Variants in BRD7 observed in about 807,000 individuals in gnomAD.
The protein encoded by BRD7 is bromodomain containing 7, also known as bromodomain-containing protein 7.
A neutral mutation model predicts 82.1 loss-of-function variants in BRD7; 15 were observed. The ratio of observed to expected loss-of-function variants is 0.18; its 90% CI spans 0.12 to 0.28. BRD7 has a LOEUF of 0.28. Ranked by LOEUF, BRD7 falls within the 10% of genes least tolerant of loss-of-function variation. The pLI is 1.00. For missense variants in BRD7, 638 were observed against 779.9 expected (o/e 0.82, Z 2.17); for synonymous variants, 232 against 266.9 (o/e 0.87, Z 1.27).
At chr16:50,357,980 AAAAAC>A (rs1263142712) in intron 2 of BRD7, among the ~76,000 whole-genome samples, 1 of 152,140 alleles carries the variant, frequency 6.6e-6, no homozygotes, top group Non-Finnish European at 1.5e-5. Context: ...ACTCTGTCTC[AAAAAC>A]AAAACAAATC....
intron 13 of BRD7, among the ~76,000 whole-genome samples, chr16:50,321,089 T>C (rs781334035): frequency 2.6e-5 from 4 of 152,242 alleles, no homozygotes; most frequent in Non-Finnish European, 4.4e-5. Flanking sequence ...TTGTTGTTGC[T>C]TAAACTGTGA....
intron 2 of BRD7, among the ~76,000 whole-genome samples, chr16:50,358,847 A>AT (rs1230629425): frequency 2.0e-5 from 3 of 152,214 alleles, no homozygotes; most frequent in African/African-American, 7.2e-5. Context: ...CTGAATAGAG[A>AT]TATCATAGCA....
At chr16:50,349,427 A>C (rs2038427051) in intron 5 of BRD7, 2 of 378,574 alleles carry the variant, frequency 5.3e-6, no homozygotes, top group East Asian at 1.6e-4. Flanking sequence ...AACCATCTAA[A>C]AAAAAAAAAG....
rs1232188816 is a variant in BRD7, at chr16:50,346,422, A to G, written c.591+3601T>C. On this transcript the variant is annotated intron_variant, in intron 5 of 16. Coordinates refer to ENST00000394688, the MANE Select transcript of BRD7 (RefSeq NM_013263.5). ...GAAGGCAAGAAATAACTAAGATCAG[A>G]GCAGAACTGAAGGAGATAGAGATAC... Among the ~76,000 whole-genome samples the G allele has an allele frequency of 2.0e-5, 3 of 152,220 alleles. No homozygotes were observed. In the East Asian group the frequency reaches 5.8e-4, roughly 29 times the overall value.
At position 50,340,102 on chromosome 16, in the gene BRD7, T is replaced by G. The variant is rs1198567879; in HGVS notation, c.592-16A>C. 2.8e-6 allele frequency: 4 copies of G among 1,437,420 alleles called. No individual in the cohort carries two copies. The highest frequency in any genetic ancestry group is 3.8e-6 in the Non-Finnish European group (4 of 1,056,208). 89.0% of individuals were successfully genotyped at this position (1,437,420 alleles called of 1,614,324 possible). On this transcript the variant is annotated splice_polypyrimidine_tract_variant and intron_variant, in intron 5 of 16. Transcript: ENST00000394688. ...TGAAGTTATCCTGCAGAAAGAACAT[T>G]AAGGGAGAAAATGCATTAATGCAAA...
chr16:50,348,848 C>T (rs1029297544), intron 5 of BRD7, among the ~76,000 whole-genome samples: 3 of 152,132 alleles, frequency 2.0e-5, no homozygotes, highest in Non-Finnish European at 2.9e-5. Context: ...GACAGTGTGG[C>T]GATTCCTCAA....
At chr16:50,319,866 C>T (rs1210808916) in intron 16 of BRD7, 21 bp downstream of exon 16, 4 of 1,606,440 alleles carry the variant, frequency 2.5e-6, no homozygotes, top group Non-Finnish European at 2.5e-6. Flanking sequence ...TCTGCTTTCC[C>T]AGAGAAAACA....
intron 15 of BRD7, 41 bp from the exon 16 acceptor site, chr16:50,320,071 C>T (rs1403049610): frequency 6.3e-7 from 1 of 1,575,548 alleles, no homozygotes. Context: ...AAGCATGGTT[C>T]CTTTAGATAG....
Position 50,329,784 on chromosome 16 carries a change from G to T in BRD7, c.1012-1040C>A, listed in dbSNP as rs147769619. ...CAGAAGCAAAAGTAAAACAACCTGA[G>T]TAGGAATTACAATTAGGAAAAATAT... On this transcript the variant is annotated intron_variant, in intron 8 of 16. Coordinates refer to ENST00000394688, the MANE Select transcript of BRD7 (RefSeq NM_013263.5). 6.6e-5 allele frequency among the ~76,000 whole-genome samples: 10 copies of T among 152,320 alleles called. No individual in the cohort carries two copies. In the East Asian group the frequency reaches 1.9e-3, roughly 29 times the overall value.
intron 5 of BRD7, among the ~76,000 whole-genome samples, chr16:50,347,273 A>G (rs551122717): frequency 8.5e-5 from 13 of 152,338 alleles, no homozygotes; most frequent in Non-Finnish European, 1.5e-4. Context: ...AAATAATAAG[A>G]GCTATTTATG....
At chr16:50,361,312 T>C (rs2038925665) in intron 2 of BRD7, among the ~76,000 whole-genome samples, 1 of 152,254 alleles carries the variant, frequency 6.6e-6, no homozygotes, top group Non-Finnish European at 1.5e-5. Flanking sequence ...GCTTTATATA[T>C]AATAACATCC....
chr16:50,368,003 T>A, intron 2 of BRD7, 87 bp downstream of exon 2: 1 of 1,367,082 alleles, frequency 7.3e-7, no homozygotes, highest in Non-Finnish European at 1.0e-6. Flanking sequence ...GCGTTTGTTT[T>A]CCCCAGATAC....
In BRD7 at chr16:50,323,709, C is replaced by A. The variant is rs1567599226; in HGVS notation, c.1332-11G>T. 1 of 1,600,032 alleles carries A rather than the reference C, an allele frequency of 6.2e-7. No homozygotes were observed. The highest frequency in any genetic ancestry group is 1.7e-5 in the Admixed American group (1 of 59,974). On this transcript the variant is annotated splice_polypyrimidine_tract_variant and intron_variant, in intron 11 of 16. Transcript: ENST00000394688. ...AAAAACTCATGGATGCTGCAAGAGA[C>A]AGTTAGGAAAGTCTCACATAAATCA... is the stretch of plus-strand genomic sequence containing the variant.
intron 12 of BRD7, 135 bp from the exon 13 acceptor site, chr16:50,322,173 G>T: frequency 1.5e-6 from 1 of 661,970 alleles, no homozygotes. Context: ...AATTTTTCAG[G>T]CCAAAATGAC....
rs755565646 is a variant in BRD7 at position 50,368,327 on chromosome 16, A to G, written c.50-29T>C. ...AAAAAAAGAAAAGAAAAGAAAGGAA[A>G]GCGCGTCGATTAAAATCGGGGCTCT... On this transcript the variant is annotated intron_variant, in intron 1 of 16. Coordinates refer to ENST00000394688, the MANE Select transcript of BRD7 (RefSeq NM_013263.5). 8.7e-6 allele frequency: 14 copies of G among 1,606,540 alleles called. No homozygotes were observed. In the African/African-American group the frequency reaches 1.5e-4, roughly 17 times the overall value.
At chr16:50,345,546 T>C (rs1025712095) in intron 5 of BRD7, among the ~76,000 whole-genome samples, 21 of 152,140 alleles carry the variant, frequency 1.4e-4, no homozygotes, top group African/African-American at 4.8e-5. Context: ...GAGACACACA[T>C]AGGCTCAAAA....
In BRD7 at chr16:50,320,046, A is replaced by C; in HGVS notation, c.1757-16T>G. On this transcript the variant is annotated splice_polypyrimidine_tract_variant and intron_variant, in intron 15 of 16. Coordinates refer to ENST00000394688, the MANE Select transcript of BRD7 (RefSeq NM_013263.5). Reference sequence around the variant, plus strand: ...ACTTGTTCAGCTAAAAAGAAAAACAAAGTTCCAGATACTAAAGCATGGTTC... The same window carrying C: ...ACTTGTTCAGCTAAAAAGAAAAACACAGTTCCAGATACTAAAGCATGGTTC... 1 of 1,599,596 alleles carries C rather than the reference A, an allele frequency of 6.3e-7. No individual in the cohort carries two copies. Among genetic ancestry groups the C allele is most frequent in the Non-Finnish European group, 8.5e-7 (1 of 1,174,234 alleles).
chr16:50,350,987 T>C lies in BRD7; in HGVS notation c.447-820A>G, dbSNP rs574800405. 4.9e-4 allele frequency among the ~76,000 whole-genome samples: 74 copies of C among 152,342 alleles called. 3 individuals carry two copies. The South Asian group carries it at 0.015, about 30-fold the overall frequency. ...ATATTTGGCATTTGTATTTCCAGTA[T>C]TGTCAGGTTGAGAATGAGTGCTTTA... On this transcript the variant is annotated intron_variant, in intron 4 of 16. Transcript: ENST00000394688.
intron 8 of BRD7, among the ~76,000 whole-genome samples, chr16:50,333,199 A>G (rs1358873068): frequency 6.6e-6 from 1 of 152,248 alleles, no homozygotes; most frequent in Non-Finnish European, 1.5e-5. Flanking sequence ...GTTTTCCTGT[A>G]AATTTAAATT....
Sources: gnomAD v4.1 joint callset for allele counts (sites outside exome capture counted in the v4.1 genomes callset) on GRCh38, gnomAD v4.1.1 for gene constraint, MANE v1.5 for transcripts, NCBI Gene and HGNC (gene_info 2026-07-23, HGNC 2026-07-21) for gene names.